Variants in RAI14 observed in about 807,000 individuals in gnomAD.
The protein encoded by RAI14 is ankycorbin.
RAI14 carries 45 observed loss-of-function variants against 115.4 expected under a neutral mutation model. The ratio of observed to expected loss-of-function variants is 0.39; its 90% CI spans 0.31 to 0.50. RAI14 has a LOEUF of 0.50. RAI14 is among the 20% of genes least tolerant of loss of function. The probability of loss-of-function intolerance (pLI) is 0.85; values close to 1 mark genes in which losing one functional copy is unlikely to be tolerated. For synonymous variants in RAI14, 371 were observed against 415.4 expected (o/e 0.89, Z 1.30); for missense variants, 939 against 1,131.2 (o/e 0.83, Z 2.44).
At chr5:34,776,804 A>G (rs372579553) in intron 3 of RAI14, among the ~76,000 whole-genome samples, 1 of 144,264 alleles carries the variant, frequency 6.9e-6, no homozygotes, top group Non-Finnish European at 1.5e-5. Context: ...GAGACCCTTT[A>G]TTAAAAAAAC....
chr5:34,702,394 C>T (rs1231147333), intron 2 of RAI14, among the ~76,000 whole-genome samples: 4 of 152,190 alleles, frequency 2.6e-5, no homozygotes, highest in Admixed American at 2.0e-4. Flanking sequence ...GCAAGAGAAT[C>T]GCTTGAACCT....
chr5:34,823,032 C>A lies in RAI14; in HGVS notation c.1190C>A (p.Ser397Tyr). 6.2e-7 allele frequency: 1 copy of A among 1,613,926 alleles called. No individual in the cohort carries two copies. Among genetic ancestry groups the A allele is most frequent in the African/African-American group, 1.3e-5 (1 of 75,014 alleles). The change falls in exon 15 of 18, where the codon TCC becomes TAC. Residue 397 changes from serine (S) to tyrosine (Y), a missense_variant. Ser to Tyr is a moderately radical substitution (Grantham distance 144). Coordinates refer to ENST00000265109, the MANE Select transcript of RAI14 (RefSeq NM_015577.3). The surrounding 1 kb of genome is among the most constrained non-coding windows in gnomAD (Gnocchi z 4.5). ...TCCACCCAAACTGACTTGGGCCCAT[C>A]CCTGGGAAAACCTGGTGAAACCTCT... Reference protein sequence around the residue: ...YHSTQTDLGPSLGKPGETSPP... With the variant: ...YHSTQTDLGPYLGKPGETSPP...
chr5:34,658,200 T>C (rs973269332), intron 1 of RAI14, among the ~76,000 whole-genome samples: 1 of 152,120 alleles, frequency 6.6e-6, no homozygotes, highest in African/African-American at 2.4e-5. Flanking sequence ...ATTACTGTTA[T>C]CTGAATTGAA....
In RAI14 at chr5:34,780,032, C is replaced by A. The variant is rs187763098; in HGVS notation, c.168-15907C>A. On this transcript the variant is annotated intron_variant, in intron 3 of 17. Coordinates refer to ENST00000265109, the MANE Select transcript of RAI14 (RefSeq NM_015577.3). ...TGGTACCAAAACAAGAGGTATAATA[C>A]CAATGGAACAGAACAGAGCCCTCAG... 1.9e-3 allele frequency among the ~76,000 whole-genome samples: 284 copies of A among 152,188 alleles called. 1 individual carries two copies. The highest frequency in any genetic ancestry group is 6.2e-3 in the African/African-American group (257 of 41,548).
chr5:34,753,460 T>G (rs1747410716), intron 2 of RAI14, among the ~76,000 whole-genome samples: 2 of 152,120 alleles, frequency 1.3e-5, no homozygotes, highest in Non-Finnish European at 2.9e-5. Context: ...ATGTTGTGAT[T>G]GGCTATGGGA....
chr5:34,767,585 G>GCCC (rs1554054680), intron 3 of RAI14, among the ~76,000 whole-genome samples: 3 of 142,282 alleles, frequency 2.1e-5, no homozygotes, highest in Admixed American at 7.0e-5. Flanking sequence ...CGCTGCCACC[G>GCCC]CCACCGCCCC....
chr5:34,686,928 C>G lies in RAI14; in HGVS notation c.9C>G (p.Ser3Arg). The stretch of plus-strand genomic sequence containing the variant: ...GGCTGAATGCACTAAACATGAAGAG[C>G]TTGAAAGCGAAGTTCAGGAAGAGTG... MK[S>R]LKAKFRKSDT... Residue 3 changes from serine to arginine, a missense_variant, in exon 2 of 18, where the codon AGC (serine) becomes AGG (arginine). Coordinates refer to ENST00000265109, the MANE Select transcript of RAI14 (RefSeq NM_015577.3). 6.2e-7 allele frequency: 1 copy of G among 1,613,716 alleles called. No homozygotes were observed. The highest frequency in any genetic ancestry group is 8.5e-7 in the Non-Finnish European group (1 of 1,179,796).
At chr5:34,826,599 T>C (rs1050870187) in intron 16 of RAI14, 120 bp downstream of exon 16, 3 of 1,294,612 alleles carry the variant, frequency 2.3e-6, no homozygotes, top group Admixed American at 2.8e-5. Context: ...AGGAATGTAC[T>C]TCAATGAGCA....
chr5:34,803,888 C>A, intron 5 of RAI14, 112 bp downstream of exon 5: 1 of 915,648 alleles, frequency 1.1e-6, no homozygotes, highest in Non-Finnish European at 1.7e-6. Flanking sequence ...AAATACTGTC[C>A]CCAAACCTGT....
chr5:34,711,213 A>G (rs1741355260), intron 2 of RAI14, among the ~76,000 whole-genome samples: 3 of 152,332 alleles, frequency 2.0e-5, no homozygotes, highest in Admixed American at 6.5e-5. Context: ...AGGCGGGTTG[A>G]GTCCGAAAAG....
At chr5:34,701,129 G>T (rs947338319) in intron 2 of RAI14, among the ~76,000 whole-genome samples, 2 of 152,218 alleles carry the variant, frequency 1.3e-5, no homozygotes, top group South Asian at 4.2e-4. Context: ...CCTATGTAGG[G>T]GGTCTGGGGA....
At chr5:34,789,200 CTAGA>C (rs1752651443) in intron 3 of RAI14, among the ~76,000 whole-genome samples, 1 of 152,174 alleles carries the variant, frequency 6.6e-6, no homozygotes, top group Non-Finnish European at 1.5e-5. Flanking sequence ...TGCCTGCCAT[CTAGA>C]TAGAGCGGCC....
chr5:34,661,727 G>A (rs1398747667), intron 1 of RAI14, among the ~76,000 whole-genome samples: 3 of 152,260 alleles, frequency 2.0e-5, no homozygotes, highest in East Asian at 1.9e-4. Context: ...TTTCCAATGC[G>A]ATGAATGTGG....
chr5:34,687,294 G>T (rs75360346), intron 2 of RAI14, among the ~76,000 whole-genome samples: 1 of 152,080 alleles, frequency 6.6e-6, no homozygotes, highest in Non-Finnish European at 1.5e-5. Context: ...TCAGAATGTC[G>T]TTTTTAGAAG....
intron 3 of RAI14, among the ~76,000 whole-genome samples, chr5:34,785,157 T>G (rs1247689442): frequency 1.3e-5 from 2 of 152,198 alleles, no homozygotes; most frequent in African/African-American, 4.8e-5. Context: ...GCCTCCAGTT[T>G]CTCTTTACTT....
intron 2 of RAI14, among the ~76,000 whole-genome samples, chr5:34,703,857 G>C (rs993822950): frequency 6.6e-6 from 1 of 152,182 alleles, no homozygotes; most frequent in Non-Finnish European, 1.5e-5. Context: ...TACAAGCCTC[G>C]TAAATTGCCC....
chr5:34,824,533 C>T (rs371857175), intron 15 of RAI14, 42 bp downstream of exon 15: 1 of 1,448,782 alleles, frequency 6.9e-7, no homozygotes. Context: ...AGCAATAAGT[C>T]TTAGTCTCTT....
chr5:34,794,878 A>T (rs1753324328), intron 3 of RAI14, among the ~76,000 whole-genome samples: 1 of 152,180 alleles, frequency 6.6e-6, no homozygotes, highest in African/African-American at 2.4e-5. Context: ...TCAATGATAG[A>T]TCCTTCCCAG....
rs377135112 is a variant in RAI14 at position 34,657,842 on chromosome 5, G to A, written c.-49+1367G>A. ...GAGGTCGGGAATCACAGGGAGGCTG[G>A]ATTTTGGCTGCTCTGTCCCCAGCCT... On this transcript the variant is annotated intron_variant, in intron 1 of 17. Transcript: ENST00000265109. 3.9e-5 allele frequency among the ~76,000 whole-genome samples: 6 copies of A among 152,384 alleles called. No homozygotes were observed. In the East Asian group the frequency reaches 1.2e-3, roughly 29 times the overall value.
Sources: allele counts gnomAD v4.1 joint callset (sites outside exome capture counted in the v4.1 genomes callset), GRCh38; gene constraint gnomAD v4.1.1; non-coding constraint Gnocchi (gnomAD v3.1); transcripts MANE v1.5; gene names NCBI Gene and HGNC (gene_info 2026-07-23, HGNC 2026-07-21).